Variants in TRIM62 observed in about 807,000 individuals in gnomAD.
TRIM62 encodes the protein tripartite motif containing 62.
TRIM62 carries 39 observed loss-of-function variants against 44.2 expected under a neutral mutation model. The observed-to-expected ratio is 0.88, with a 90% confidence interval of 0.68 to 1.15. TRIM62 has a LOEUF of 1.15. TRIM62 is among the 50% of genes most tolerant of loss of function. The pLI is 0.00. For synonymous variants in TRIM62, 278 were observed against 292.3 expected (o/e 0.95, Z 0.50); for missense variants, 544 against 665.5 (o/e 0.82, Z 2.01).
rs745905203 is a variant in TRIM62, at chr1:33,165,607, C to G, written c.409-41G>C. The G allele has an allele frequency of 5.2e-6, 8 of 1,544,776 alleles. No homozygotes were observed. Among genetic ancestry groups the G allele is most frequent in the Non-Finnish European group, 7.0e-6 (8 of 1,138,208 alleles). ...GGCCGGGATGGGGGCAGGGGCCATGCCTGGCCCAGGCATTCAGCCCTGACC... is the reference window on the plus strand; with the variant it reads ...GGCCGGGATGGGGGCAGGGGCCATGGCTGGCCCAGGCATTCAGCCCTGACC... On this transcript the variant is annotated intron_variant, in intron 1 of 4. Transcript: ENST00000291416. This position sits in a 1 kb window ranked among gnomAD's most constrained non-coding sequence, Gnocchi z 4.0.
chr1:33,168,398 A>T (rs1410901078), intron 1 of TRIM62, among the ~76,000 whole-genome samples: 1 of 135,376 alleles, frequency 7.4e-6, no homozygotes, highest in Non-Finnish European at 1.6e-5. Context: ...TTTTTTTTTT[A>T]AATCCCCAAC....
chr1:33,180,974 C>T, intron 1 of TRIM62, 51 bp downstream of exon 1: 1 of 574,542 alleles, frequency 1.7e-6, no homozygotes, highest in Non-Finnish European at 2.9e-6. Context: ...CCCGCCCGGC[C>T]CCACCTCCAG....
At chr1:33,153,051 T>A (rs954095156) in intron 4 of TRIM62, among the ~76,000 whole-genome samples, 1 of 15,348 alleles carries the variant, frequency 6.5e-5, no homozygotes, top group African/African-American at 2.8e-4. Context: ...GGGTGGGAGG[T>A]GGGGGAGGGT....
intron 1 of TRIM62, among the ~76,000 whole-genome samples, chr1:33,169,985 C>T (rs1220296756): frequency 6.6e-6 from 1 of 152,166 alleles, no homozygotes; most frequent in Non-Finnish European, 1.5e-5. Flanking sequence ...CACACTTGTA[C>T]CCTGATGGCA....
At chr1:33,158,654 G>A (rs919166893) in intron 3 of TRIM62, among the ~76,000 whole-genome samples, 2 of 152,098 alleles carry the variant, frequency 1.3e-5, no homozygotes, top group East Asian at 1.9e-4. Context: ...GCTCGGTCAC[G>A]GTCAATGCCA....
chr1:33,150,289 C>T (rs1037028656), intron 4 of TRIM62, among the ~76,000 whole-genome samples: 3 of 151,924 alleles, frequency 2.0e-5, no homozygotes, highest in Non-Finnish European at 2.9e-5. Flanking sequence ...TTGGCTGGAG[C>T]ATTCTCCCTA....
At chr1:33,168,792 G>C (rs1470476570) in intron 1 of TRIM62, among the ~76,000 whole-genome samples, 2 of 151,698 alleles carry the variant, frequency 1.3e-5, no homozygotes, top group Non-Finnish European at 2.9e-5. Flanking sequence ...GTGTGGCTGA[G>C]AGGCAGATGT....
chr1:33,156,259 ACTCT>A (rs1425047612), intron 4 of TRIM62, among the ~76,000 whole-genome samples: 1 of 151,540 alleles, frequency 6.6e-6, no homozygotes, highest in South Asian at 2.1e-4. Flanking sequence ...GCACTGCCAC[ACTCT>A]CTCTCCTTCG....
At chr1:33,156,851 T>C (rs1386851680) in intron 4 of TRIM62, among the ~76,000 whole-genome samples, 4 of 152,180 alleles carry the variant, frequency 2.6e-5, no homozygotes, top group African/African-American at 9.7e-5. Context: ...TCGTCTTCTT[T>C]CTTTCACACC....
chr1:33,163,991 G>A (rs1219611269), intron 2 of TRIM62: 2 of 152,556 alleles, frequency 1.3e-5, no homozygotes, highest in Non-Finnish European at 2.9e-5. Flanking sequence ...GTGGAGAGAA[G>A]AGAGTGCTGC....
chr1:33,175,206 A>C (rs903990061), intron 1 of TRIM62, among the ~76,000 whole-genome samples: 15 of 142,648 alleles, frequency 1.1e-4, no homozygotes, highest in Non-Finnish European at 1.9e-4. Flanking sequence ...TGCCCAGCTA[A>C]TTTTTTTTTT....
At position 33,147,066 on chromosome 1, in the gene TRIM62, C is replaced by A. The variant is rs1360350186; in HGVS notation, c.*111G>T. On this transcript the variant is annotated 3_prime_UTR_variant, in exon 5 of 5. Coordinates refer to ENST00000291416, the MANE Select transcript of TRIM62 (RefSeq NM_018207.3). This position sits in a 1 kb window ranked among gnomAD's most constrained non-coding sequence, Gnocchi z 8.1. Reference sequence around the variant, plus strand: ...TGGAGGCTGGAGGGTAAACAACTGGCCTGAGGTCTCCAGTGGCCACGGTGG... The same window carrying A: ...TGGAGGCTGGAGGGTAAACAACTGGACTGAGGTCTCCAGTGGCCACGGTGG... The A allele has an allele frequency of 5.8e-6, 7 of 1,200,684 alleles. No homozygotes were observed. Among genetic ancestry groups the A allele is most frequent in the Non-Finnish European group, 7.1e-6 (6 of 847,766 alleles). The allele number at this position is 1,200,684 out of a possible 1,614,324, so 74.4% of individuals were successfully genotyped here.
At chr1:33,171,911 A>G (rs907175331) in intron 1 of TRIM62, among the ~76,000 whole-genome samples, 15 of 152,088 alleles carry the variant, frequency 9.9e-5, no homozygotes, top group Non-Finnish European at 4.4e-5. Flanking sequence ...CCTCCTGAGT[A>G]GCTGGGATTA....
In TRIM62 at chr1:33,147,073, T is replaced by A; in HGVS notation, c.*104A>T. The A allele has an allele frequency of 1.2e-5, 16 of 1,287,392 alleles. No individual in the cohort carries two copies. Among genetic ancestry groups the A allele is most frequent in the Non-Finnish European group, 1.6e-5 (15 of 923,256 alleles). The allele number at this position is 1,287,392 out of a possible 1,614,324, so 79.7% of individuals were successfully genotyped here. On this transcript the variant is annotated 3_prime_UTR_variant, in exon 5 of 5. Transcript: ENST00000291416. This position sits in a 1 kb window ranked among gnomAD's most constrained non-coding sequence, Gnocchi z 8.1. ...TGGAGGGTAAACAACTGGCCTGAGG[T>A]CTCCAGTGGCCACGGTGGGCTGGAG...
intron 1 of TRIM62, among the ~76,000 whole-genome samples, chr1:33,170,493 C>T (rs1481910212): frequency 1.3e-5 from 2 of 152,096 alleles, no homozygotes; most frequent in Non-Finnish European, 2.9e-5. Flanking sequence ...TAGGACACGG[C>T]CACACACCCC....
chr1:33,179,097 A>G (rs1336460512), intron 1 of TRIM62, among the ~76,000 whole-genome samples: 1 of 152,236 alleles, frequency 6.6e-6, no homozygotes, highest in East Asian at 1.9e-4. Context: ...CCATTCCTAC[A>G]TGATGAAGAG....
At position 33,160,974 on chromosome 1, in the gene TRIM62, A is replaced by G. The variant is rs114770131; in HGVS notation, c.505-1030T>C. 8.1e-3 allele frequency among the ~76,000 whole-genome samples: 1,237 copies of G among 152,352 alleles called. 19 individuals are homozygous for G. The highest frequency in any genetic ancestry group is 0.028 in the African/African-American group (1,177 of 41,574). ...AGGCTCAGGAAGGGTGAAGTAGTGAAGGGCACAGGTTTGGTGCCTGACAGT... is the reference window on the plus strand; with the variant it reads ...AGGCTCAGGAAGGGTGAAGTAGTGAGGGGCACAGGTTTGGTGCCTGACAGT... On this transcript the variant is annotated intron_variant, in intron 2 of 4. Transcript: ENST00000291416.
At chr1:33,158,837 C>CT (rs998118373) in intron 3 of TRIM62, among the ~76,000 whole-genome samples, 24 of 150,546 alleles carry the variant, frequency 1.6e-4, no homozygotes, top group Middle Eastern at 3.4e-3. Context: ...CAGTTTTTTT[C>CT]TTTTTTTTCT....
In TRIM62 at chr1:33,151,604, C is replaced by T. The variant is rs975028163; in HGVS notation, c.878-3877G>A. 4.4e-4 allele frequency among the ~76,000 whole-genome samples: 67 copies of T among 152,290 alleles called. 1 individual carries two copies. Among genetic ancestry groups the T allele is most frequent in the African/African-American group, 1.4e-3 (57 of 41,538 alleles). ...GAGGTGACAGGCCCAGCAAAACAAG[C>T]GCAGTCCCTGGGGGCTCACTATTCT... On this transcript the variant is annotated intron_variant, in intron 4 of 4. Coordinates refer to ENST00000291416, the MANE Select transcript of TRIM62 (RefSeq NM_018207.3).
Sources: allele counts gnomAD v4.1 joint callset (sites outside exome capture counted in the v4.1 genomes callset), GRCh38; gene constraint gnomAD v4.1.1; non-coding constraint Gnocchi (gnomAD v3.1); transcripts MANE v1.5; gene names NCBI Gene and HGNC (gene_info 2026-07-23, HGNC 2026-07-21).